The following SORCS3 variants were observed in gnomAD, a reference collection of about 807,000 sequenced individuals.
SORCS3 encodes the protein VPS10 domain-containing receptor SorCS3.
In SORCS3, 57 loss-of-function variants were observed where a neutral mutation model predicts 146.3. The observed-to-expected ratio is 0.39, with a 90% CI of 0.31 to 0.49. The LOEUF is 0.49. Ranked by LOEUF, SORCS3 falls within the 20% of genes least tolerant of loss-of-function variation. The pLI, the probability that SORCS3 is intolerant of heterozygous loss-of-function variation, is 0.92. For synonymous variants in SORCS3, 653 were observed against 618.5 expected (o/e 1.06, Z -0.83); for missense variants, 1,341 against 1,575.5 (o/e 0.85, Z 2.52).
chr10:104,754,476 C>A (rs1281180731), intron 1 of SORCS3, among the ~76,000 whole-genome samples: 2 of 152,084 alleles, frequency 1.3e-5, no homozygotes, highest in Admixed American at 1.3e-4. Context: ...TGCTGCATAC[C>A]TATAGGTATG....
At chr10:105,160,517 C>A (rs898770903) in intron 11 of SORCS3, among the ~76,000 whole-genome samples, 2 of 152,074 alleles carry the variant, frequency 1.3e-5, no homozygotes, top group Non-Finnish European at 2.9e-5. Context: ...GTCCCACCTA[C>A]TAGGGAGGCT....
At chr10:105,201,867 A>T (rs548015075) in intron 16 of SORCS3, among the ~76,000 whole-genome samples, 2 of 152,224 alleles carry the variant, frequency 1.3e-5, no homozygotes, top group Admixed American at 6.5e-5. Flanking sequence ...TAAGGCAGCC[A>T]AAGCAAAGCT....
chr10:104,870,898 G>T (rs984845261), intron 2 of SORCS3, among the ~76,000 whole-genome samples: 2 of 152,124 alleles, frequency 1.3e-5, no homozygotes, highest in African/African-American at 4.8e-5. Context: ...CCATTCTCTT[G>T]AACATCTTTT....
At chr10:104,653,763 G>A (rs1009831260) in intron 1 of SORCS3, among the ~76,000 whole-genome samples, 1 of 152,116 alleles carries the variant, frequency 6.6e-6, no homozygotes, top group Non-Finnish European at 1.5e-5. Context: ...CATGGAAGAT[G>A]GGATATCTAT....
intron 4 of SORCS3, among the ~76,000 whole-genome samples, chr10:104,986,420 A>G (rs1027904478): frequency 6.6e-6 from 1 of 152,210 alleles, no homozygotes; most frequent in African/African-American, 2.4e-5. Context: ...AACTTTCTTT[A>G]TATCAGCAAT....
intron 1 of SORCS3, among the ~76,000 whole-genome samples, chr10:104,792,564 G>T (rs550778482): frequency 6.6e-6 from 1 of 152,314 alleles, no homozygotes; most frequent in African/African-American, 2.4e-5. Context: ...GCAGTTAGAA[G>T]AAATGCAATG....
At chr10:105,031,369 A>G (rs1008911180) in intron 4 of SORCS3, among the ~76,000 whole-genome samples, 1 of 151,590 alleles carries the variant, frequency 6.6e-6, no homozygotes, top group African/African-American at 2.4e-5. Flanking sequence ...ACACAAAAAC[A>G]TGTATGTTTG....
chr10:105,187,933 T>C (rs1216081532), intron 14 of SORCS3, among the ~76,000 whole-genome samples: 1 of 152,172 alleles, frequency 6.6e-6, no homozygotes, highest in Non-Finnish European at 1.5e-5. Flanking sequence ...ATTTCAGCTC[T>C]GACATTCATG....
chr10:104,839,911 C>A (rs1392581121), intron 1 of SORCS3, among the ~76,000 whole-genome samples: 1 of 152,124 alleles, frequency 6.6e-6, no homozygotes, highest in East Asian at 1.9e-4. Context: ...GGAAGACAGG[C>A]AGGTAGGCTG....
At chr10:104,968,062 A>G (rs770267386) in intron 3 of SORCS3, among the ~76,000 whole-genome samples, 11 of 152,136 alleles carry the variant, frequency 7.2e-5, no homozygotes, top group South Asian at 2.1e-4. Context: ...AATCCTTTCA[A>G]TAGTACTAAG....
chr10:104,664,926 G>C (rs2015751210), intron 1 of SORCS3: 1 of 152,526 alleles, frequency 6.6e-6, no homozygotes, highest in Non-Finnish European at 1.5e-5. Context: ...CAGTGAAGGG[G>C]GCTATGGGGA....
At chr10:104,720,828 T>C (rs976011147) in intron 1 of SORCS3, among the ~76,000 whole-genome samples, 2 of 152,214 alleles carry the variant, frequency 1.3e-5, no homozygotes, top group Non-Finnish European at 2.9e-5. Context: ...GGGTTGTTTG[T>C]TTTTTTCTTG....
intron 5 of SORCS3, among the ~76,000 whole-genome samples, chr10:105,076,351 A>G (rs934082413): frequency 1.3e-5 from 2 of 152,212 alleles, no homozygotes; most frequent in African/African-American, 4.8e-5. Context: ...AATCTCCACA[A>G]GTACCCTGTT....
At chr10:105,021,525 T>A (rs959062023) in intron 4 of SORCS3, among the ~76,000 whole-genome samples, 1 of 152,186 alleles carries the variant, frequency 6.6e-6, no homozygotes, top group Non-Finnish European at 1.5e-5. Flanking sequence ...TCTTTTAGAA[T>A]TCAAGCGCTC....
At chr10:105,152,038 C>T (rs791131) in intron 9 of SORCS3, among the ~76,000 whole-genome samples, 73,005 of 151,866 alleles carry the variant, frequency 0.48, 18,079 homozygotes, top group Non-Finnish European at 0.53. Context: ...CTTCACATCC[C>T]CAGCTATAAA....
chr10:104,921,792 G>T (rs933706230), intron 3 of SORCS3, among the ~76,000 whole-genome samples: 19 of 152,152 alleles, frequency 1.2e-4, no homozygotes, highest in African/African-American at 4.6e-4. Context: ...TGCCCACAGG[G>T]TTGGTGCCAC....
chr10:104,674,571 G>A (rs995312711), intron 1 of SORCS3, among the ~76,000 whole-genome samples: 8 of 152,192 alleles, frequency 5.3e-5, no homozygotes, highest in East Asian at 1.9e-4. Context: ...TTGAGATTAC[G>A]GTAGCCTGGC....
At chr10:105,237,922 G>T (rs1554889074) in intron 20 of SORCS3, among the ~76,000 whole-genome samples, 2 of 152,166 alleles carry the variant, frequency 1.3e-5, no homozygotes, top group Non-Finnish European at 2.9e-5. Context: ...TATGTAAGTA[G>T]TTAAATTAAA....
chr10:105,001,596 C>T (rs1369443329), intron 4 of SORCS3, among the ~76,000 whole-genome samples: 3 of 152,122 alleles, frequency 2.0e-5, no homozygotes, highest in African/African-American at 7.2e-5. Context: ...GATGTGGGGT[C>T]AGGTTCAGCT....
Sources: allele counts gnomAD v4.1 joint callset (sites outside exome capture counted in the v4.1 genomes callset), GRCh38; gene constraint gnomAD v4.1.1; transcripts MANE v1.5; gene names NCBI Gene and HGNC (gene_info 2026-07-23, HGNC 2026-07-21).